The following PRKCA variants were observed in gnomAD, a reference collection of about 807,000 sequenced individuals.
PRKCA encodes the protein protein kinase C alpha.
Under a neutral mutation model 87.0 loss-of-function variants are expected in PRKCA, and 27 were observed. That is an observed-to-expected ratio of 0.31 (90% confidence interval 0.23 to 0.43). The LOEUF is 0.43. PRKCA is among the 20% of genes least tolerant of loss of function. PRKCA has a pLI of 1.00. For synonymous variants in PRKCA, 329 were observed against 311.1 expected, an observed-to-expected ratio of 1.06 and a Z score of -0.61; for missense variants, 518 against 852.3, an observed-to-expected ratio of 0.61 and a Z score of 4.88.
chr17:66,722,217 A>G (rs9789025), intron 8 of PRKCA, among the ~76,000 whole-genome samples: 15,851 of 152,210 alleles, frequency 0.1, 1,007 homozygotes, highest in East Asian at 0.3. Context: ...CAGAGTGTCT[A>G]TGGTATTAAG....
intron 2 of PRKCA, among the ~76,000 whole-genome samples, chr17:66,419,813 A>G (rs537711068): frequency 6.6e-6 from 1 of 152,296 alleles, no homozygotes; most frequent in African/African-American, 2.4e-5. Context: ...AGTTTAATAG[A>G]GTCTTGGAGA....
intron 8 of PRKCA, among the ~76,000 whole-genome samples, chr17:66,719,617 A>C (rs746592219): frequency 3.9e-5 from 6 of 152,178 alleles, no homozygotes; most frequent in Admixed American, 3.9e-4. Flanking sequence ...AAATACAAAA[A>C]TTAGCCAGGC....
chr17:66,442,613 C>G lies in PRKCA; in HGVS notation c.206-53588C>G, dbSNP rs1175107752. Among the ~76,000 whole-genome samples the G allele has an allele frequency of 2.0e-5, 3 of 152,144 alleles. No homozygotes were observed. In the East Asian group the frequency reaches 5.8e-4, roughly 29 times the overall value. On this transcript the variant is annotated intron_variant, in intron 2 of 16. Coordinates refer to ENST00000413366, the MANE Select transcript of PRKCA (RefSeq NM_002737.3). ...TCTCCAGCCGCCTCTCCTCATCACCCACACTTTTTCTTCATAGCCTCCATC... is the reference window on the plus strand; with the variant it reads ...TCTCCAGCCGCCTCTCCTCATCACCGACACTTTTTCTTCATAGCCTCCATC...
At chr17:66,771,233 G>C (rs1749670177) in intron 13 of PRKCA, among the ~76,000 whole-genome samples, 1 of 152,108 alleles carries the variant, frequency 6.6e-6, no homozygotes, top group Non-Finnish European at 1.5e-5. Context: ...TCAACCTCCT[G>C]ACCTGAAGTA....
intron 2 of PRKCA, among the ~76,000 whole-genome samples, chr17:66,404,894 C>A (rs2005244): frequency 6.6e-6 from 1 of 151,506 alleles, no homozygotes; most frequent in African/African-American, 2.4e-5. Flanking sequence ...AGATTACAGG[C>A]GCACGCCACC....
At chr17:66,371,951 T>C (rs1031035704) in intron 2 of PRKCA, among the ~76,000 whole-genome samples, 2 of 152,214 alleles carry the variant, frequency 1.3e-5, no homozygotes, top group African/African-American at 4.8e-5. Context: ...GCTTTGTATC[T>C]AAACAAATGT....
At chr17:66,583,264 C>T (rs1030127078) in intron 3 of PRKCA, among the ~76,000 whole-genome samples, 7 of 152,096 alleles carry the variant, frequency 4.6e-5, no homozygotes, top group Admixed American at 2.6e-4. Flanking sequence ...TGGGAGGAAT[C>T]TCATGGGCAT....
chr17:66,592,312 A>C (rs1969831730), intron 3 of PRKCA, among the ~76,000 whole-genome samples: 1 of 131,826 alleles, frequency 7.6e-6, no homozygotes, highest in African/African-American at 3.1e-5. Flanking sequence ...CCAAGATTGC[A>C]CCACTGCACT....
chr17:66,377,729 T>A (rs183618150), intron 2 of PRKCA, among the ~76,000 whole-genome samples: 6,214 of 133,974 alleles, frequency 0.046, 239 homozygotes, highest in African/African-American at 0.078. Context: ...ATATTTTTTT[T>A]TTTTTTTTTT....
chr17:66,410,027 G>T (rs1911681822), intron 2 of PRKCA, among the ~76,000 whole-genome samples: 1 of 152,176 alleles, frequency 6.6e-6, no homozygotes, highest in Non-Finnish European at 1.5e-5. Flanking sequence ...TCATTCCTTT[G>T]TTCAATAAAC....
intron 2 of PRKCA, among the ~76,000 whole-genome samples, chr17:66,307,035 G>A (rs1904852973): frequency 6.6e-6 from 1 of 152,172 alleles, no homozygotes; most frequent in Non-Finnish European, 1.5e-5. Context: ...GAAAGGCACT[G>A]TGTACTTTTT....
At chr17:66,394,270 T>G (rs1049873023) in intron 2 of PRKCA, among the ~76,000 whole-genome samples, 1 of 152,190 alleles carries the variant, frequency 6.6e-6, no homozygotes, top group Non-Finnish European at 1.5e-5. Context: ...GGATCGGAAC[T>G]GGGTGCTCAT....
chr17:66,753,928 T>A (rs1355991454), intron 13 of PRKCA, among the ~76,000 whole-genome samples: 3 of 152,058 alleles, frequency 2.0e-5, no homozygotes, highest in African/African-American at 7.2e-5. Context: ...AGCCACCCAG[T>A]CTGTGGTGTT....
chr17:66,335,304 ATT>A (rs896810842), intron 2 of PRKCA, among the ~76,000 whole-genome samples: 3 of 147,968 alleles, frequency 2.0e-5, no homozygotes, highest in Non-Finnish European at 4.5e-5. Context: ...AATTTTTTTG[ATT>A]TTTTTTTTAG....
Position 66,807,327 on chromosome 17 carries a change from G to A in PRKCA, c.*3290G>A, listed in dbSNP as rs938413282. On this transcript the variant is annotated 3_prime_UTR_variant, in exon 17 of 17. Transcript: ENST00000413366. This position sits in a 1 kb window ranked among gnomAD's most constrained non-coding sequence, Gnocchi z 4.3. ...TTCCCTTGGAAGGTGGCCACTCCTC[G>A]GTGGCAGGGCCTTTCCCTGAGGCTG... 2.0e-5 allele frequency: 3 copies of A among 152,276 alleles called. No homozygotes were observed. Among genetic ancestry groups the A allele is most frequent in the East Asian group, 1.9e-4 (1 of 5,184 alleles). The allele number at this position is 152,276 out of a possible 1,614,324, so 9.4% of individuals were successfully genotyped here. A position where few individuals can be genotyped will look rare whatever the true frequency, so the allele number is the denominator to read the frequency against.
intron 2 of PRKCA, among the ~76,000 whole-genome samples, chr17:66,440,092 T>A (rs1303396134): frequency 1.3e-5 from 2 of 152,238 alleles, no homozygotes; most frequent in Admixed American, 1.3e-4. Context: ...CTGTAGGCTT[T>A]GATTTATTTA....
intron 13 of PRKCA, among the ~76,000 whole-genome samples, chr17:66,744,477 G>A (rs1025972968): frequency 2.6e-5 from 4 of 152,146 alleles, no homozygotes. Flanking sequence ...AGGTGGCATT[G>A]AACCTCATCT....
chr17:66,533,902 T>C (rs1967662061), intron 3 of PRKCA, among the ~76,000 whole-genome samples: 1 of 152,138 alleles, frequency 6.6e-6, no homozygotes, highest in Admixed American at 6.5e-5. Context: ...GTTGTCAGAC[T>C]CTGCAGCGCA....
At chr17:66,722,742 G>A (rs572151804) in intron 8 of PRKCA, among the ~76,000 whole-genome samples, 3 of 152,228 alleles carry the variant, frequency 2.0e-5, no homozygotes, top group East Asian at 1.9e-4. Flanking sequence ...TGAACCAAAC[G>A]TGAATATGCC....
Sources: allele counts gnomAD v4.1 joint callset (sites outside exome capture counted in the v4.1 genomes callset), GRCh38; gene constraint gnomAD v4.1.1; non-coding constraint Gnocchi (gnomAD v3.1); transcripts MANE v1.5; gene names NCBI Gene and HGNC (gene_info 2026-07-23, HGNC 2026-07-21).